Variants in MTMR12 observed in about 807,000 individuals in gnomAD.
MTMR12 encodes myotubularin related protein 12.
In MTMR12, 33 loss-of-function variants were observed where a neutral mutation model predicts 96.7. The observed-to-expected ratio is 0.34, with a 90% CI of 0.26 to 0.46. The LOEUF is 0.46. MTMR12 is among the 20% of genes least tolerant of loss of function. The pLI, the probability that MTMR12 is intolerant of heterozygous loss-of-function variation, is 1.00. For missense variants in MTMR12, 721 were observed against 896.1 expected, an observed-to-expected ratio of 0.80 and a Z score of 2.49; for synonymous variants, 298 against 327.2, an observed-to-expected ratio of 0.91 and a Z score of 0.96.
chr5:32,263,303 A>G, intron 6 of MTMR12, 61 bp from the exon 7 acceptor site: 1 of 1,597,586 alleles, frequency 6.3e-7, no homozygotes, highest in Non-Finnish European at 8.5e-7. Flanking sequence ...TGCTTTTATT[A>G]TGTGAAAGTC....
At chr5:32,234,434 G>A (rs145446574) in intron 14 of MTMR12, among the ~76,000 whole-genome samples, 4 of 152,312 alleles carry the variant, frequency 2.6e-5, no homozygotes, top group Middle Eastern at 6.8e-3. Context: ...AAAGGGTTAA[G>A]ATGGAAGGAA....
At chr5:32,304,363 C>A (rs1751274785) in intron 1 of MTMR12, among the ~76,000 whole-genome samples, 1 of 151,854 alleles carries the variant, frequency 6.6e-6, no homozygotes, top group African/African-American at 2.4e-5. Context: ...ATATGAGATA[C>A]ACACTCACGA....
chr5:32,255,228 T>A, intron 8 of MTMR12, among the ~76,000 whole-genome samples: 1 of 152,316 alleles, frequency 6.6e-6, no homozygotes, highest in Non-Finnish European at 1.5e-5. Flanking sequence ...AGTCTTGCTT[T>A]CTTTGATCAG....
intron 15 of MTMR12, among the ~76,000 whole-genome samples, chr5:32,232,756 G>C (rs917086124): frequency 2.6e-5 from 4 of 152,214 alleles, no homozygotes; most frequent in Admixed American, 2.6e-4. Context: ...CTGGGCCTGC[G>C]GCCCCTAAAA....
intron 10 of MTMR12, 147 bp downstream of exon 10, chr5:32,247,855 G>A (rs1748761376): frequency 7.3e-7 from 1 of 1,364,726 alleles, no homozygotes; most frequent in Admixed American, 2.7e-5. Context: ...GGTAATGGCA[G>A]CCAGACCCCT....
chr5:32,298,922 C>T (rs1751025539), intron 1 of MTMR12, among the ~76,000 whole-genome samples: 1 of 144,442 alleles, frequency 6.9e-6, no homozygotes, highest in Admixed American at 7.2e-5. Flanking sequence ...CACTGCACTC[C>T]AGCCTAGGCG....
intron 1 of MTMR12, among the ~76,000 whole-genome samples, chr5:32,306,452 A>G (rs1751369308): frequency 6.6e-6 from 1 of 152,212 alleles, no homozygotes; most frequent in South Asian, 2.1e-4. Context: ...ACAGGATCAT[A>G]TATTCACTTC....
In MTMR12 at chr5:32,294,816, A is replaced by G. The variant is rs113970521; in HGVS notation, c.81+17942T>C. Among the ~76,000 whole-genome samples, 639 of 152,350 alleles carry G rather than the reference A, an allele frequency of 4.2e-3. 4 individuals are homozygous for G. Among genetic ancestry groups the G allele is most frequent in the African/African-American group, 0.015 (607 of 41,582 alleles). On this transcript the variant is annotated intron_variant, in intron 1 of 15. Transcript: ENST00000382142. ...AGAGACAATAATTCTTGATCCGGAT[A>G]ATATTCTTCAATCCTATGCATAGCT...
chr5:32,279,076 CAAAAAAAAA>C (rs35999870), intron 1 of MTMR12, among the ~76,000 whole-genome samples: 9 of 50,514 alleles, frequency 1.8e-4, no homozygotes, highest in Non-Finnish European at 7.6e-5. Flanking sequence ...AACTCTGTCT[CAAAAAAAAA>C]AAAAAAAAAA....
intron 8 of MTMR12, among the ~76,000 whole-genome samples, chr5:32,250,777 T>C (rs1040278969): frequency 6.6e-6 from 1 of 152,166 alleles, no homozygotes; most frequent in Non-Finnish European, 1.5e-5. Context: ...TAACTCCTAA[T>C]CATAACTGTC....
chr5:32,281,339 ACT>A (rs2112107593), intron 1 of MTMR12, among the ~76,000 whole-genome samples: 1 of 150,966 alleles, frequency 6.6e-6, no homozygotes, highest in Non-Finnish European at 1.5e-5. Context: ...AACTAAATTG[ACT>A]CTACTCAGGC....
At chr5:32,261,476 C>T (rs1749357914) in intron 7 of MTMR12, among the ~76,000 whole-genome samples, 1 of 152,160 alleles carries the variant, frequency 6.6e-6, no homozygotes, top group Admixed American at 6.5e-5. Flanking sequence ...GCTTACAAGC[C>T]ACCATGCAAA....
chr5:32,251,009 T>A (rs1215565827), intron 8 of MTMR12, among the ~76,000 whole-genome samples: 1 of 151,170 alleles, frequency 6.6e-6, no homozygotes, highest in African/African-American at 2.4e-5. Flanking sequence ...TTTGTTTTTT[T>A]AAAAAAAGGA....
At chr5:32,309,788 A>C (rs1751505329) in intron 1 of MTMR12, 3 of 147,444 alleles carry the variant, frequency 2.0e-5, no homozygotes, top group Admixed American at 2.0e-4. Context: ...TTAAATGTTA[A>C]AAAAAAAAAG....
rs145726733 is a variant in MTMR12, at chr5:32,261,645, A to G, written c.713+1468T>C. On this transcript the variant is annotated intron_variant, in intron 7 of 15. Coordinates refer to ENST00000382142, the MANE Select transcript of MTMR12 (RefSeq NM_001040446.3). ...CTACCATCATCTTCCTCCCTCCAGA[A>G]TGATAGCTCCAAGAGGGCAGAGGTT... is the stretch of plus-strand genomic sequence containing the variant. 2.1e-4 allele frequency among the ~76,000 whole-genome samples: 32 copies of G among 152,322 alleles called. No homozygotes were observed. In the East Asian group the frequency reaches 6.2e-3, roughly 29 times the overall value.
At chr5:32,289,769 G>A (rs907992733) in intron 1 of MTMR12, among the ~76,000 whole-genome samples, 6 of 152,148 alleles carry the variant, frequency 3.9e-5, no homozygotes, top group African/African-American at 1.2e-4. Flanking sequence ...CCCCACATTC[G>A]TTCCCTAACT....
chr5:32,275,706 A>G (rs1214292288), intron 2 of MTMR12, among the ~76,000 whole-genome samples: 1 of 152,244 alleles, frequency 6.6e-6, no homozygotes, highest in African/African-American at 2.4e-5. Flanking sequence ...CTGTGAAGTA[A>G]TTCAGGAGGG....
chr5:32,292,969 A>G (rs1581639696), intron 1 of MTMR12, among the ~76,000 whole-genome samples: 2 of 152,332 alleles, frequency 1.3e-5, no homozygotes, highest in South Asian at 4.1e-4. Context: ...TTATCATATA[A>G]GATTTATTGA....
chr5:32,262,159 T>C (rs1188587286), intron 7 of MTMR12, among the ~76,000 whole-genome samples: 9 of 152,158 alleles, frequency 5.9e-5, no homozygotes, highest in Admixed American at 6.5e-5. Context: ...GAATATAAAA[T>C]GGAACAGTCT....
Sources: allele counts gnomAD v4.1 joint callset (sites outside exome capture counted in the v4.1 genomes callset), GRCh38; gene constraint gnomAD v4.1.1; transcripts MANE v1.5; gene names NCBI Gene and HGNC (gene_info 2026-07-23, HGNC 2026-07-21).